Variants in SGIP1 observed in about 807,000 individuals in gnomAD.
SGIP1 encodes the protein SH3-containing GRB2-like protein 3-interacting protein 1.
SGIP1 carries 38 observed loss-of-function variants against 107.5 expected under a neutral mutation model. The observed-to-expected ratio is 0.35, with a 90% CI of 0.27 to 0.46. The LOEUF (loss-of-function observed/expected upper bound fraction) is 0.46, where lower values mean the gene tolerates loss of function less well. Ranked by LOEUF, SGIP1 falls within the 20% of genes least tolerant of loss-of-function variation. The pLI is 1.00. For synonymous variants in SGIP1, 365 were observed against 366.1 expected, an observed-to-expected ratio of 1.00 and a Z score of 0.03; for missense variants, 929 against 1,019.5, an observed-to-expected ratio of 0.91 and a Z score of 1.21.
rs896720949 is a variant in SGIP1, at chr1:66,745,012, T to C, written c.*1917T>C. On this transcript the variant is annotated 3_prime_UTR_variant, in exon 25 of 25. Coordinates refer to ENST00000371037, the MANE Select transcript of SGIP1 (RefSeq NM_032291.4). ...ATTATCCAGCATATGAATATAACAA[T>C]GTGTTTTTAAGTAATCAATTCATTT... 3.9e-5 allele frequency: 6 copies of C among 152,474 alleles called. No homozygotes were observed. The highest frequency in any genetic ancestry group is 2.1e-4 in the South Asian group (1 of 4,838). 9.4% of individuals were successfully genotyped at this position (152,474 alleles called of 1,614,324 possible). A position where few individuals can be genotyped will look rare whatever the true frequency, so the allele number is the denominator to read the frequency against.
rs1206507181 is a variant in SGIP1, at chr1:66,750,940, A to T, written c.*7845A>T. On this transcript the variant is annotated 3_prime_UTR_variant, in exon 25 of 25. Coordinates refer to ENST00000371037, the MANE Select transcript of SGIP1 (RefSeq NM_032291.4). Reference sequence around the variant, plus strand: ...CTCTTTGTAAATAATAATTTTTGTAAATGTTTTTTGTTCATAATTTTCCCA... The same window carrying T: ...CTCTTTGTAAATAATAATTTTTGTATATGTTTTTTGTTCATAATTTTCCCA... Among the ~76,000 whole-genome samples the T allele has an allele frequency of 6.6e-6, 1 of 152,190 alleles. No homozygotes were observed. Among genetic ancestry groups the T allele is most frequent in the African/African-American group, 2.4e-5 (1 of 41,436 alleles).
chr1:66,714,639 A>G (rs2093126576), intron 18 of SGIP1, among the ~76,000 whole-genome samples: 1 of 152,124 alleles, frequency 6.6e-6, no homozygotes, highest in Non-Finnish European at 1.5e-5. Flanking sequence ...CTAAATGCCT[A>G]TAGACAACTT....
chr1:66,673,224 T>C (rs1362427843), intron 11 of SGIP1, 57 bp from the exon 12 acceptor site: 3 of 1,524,584 alleles, frequency 2.0e-6, no homozygotes, highest in Non-Finnish European at 2.7e-6. Context: ...GTATATCTTT[T>C]TGAGTATTAA....
At chr1:66,558,306 G>A (rs532139657) in intron 1 of SGIP1, among the ~76,000 whole-genome samples, 31 of 151,930 alleles carry the variant, frequency 2.0e-4, no homozygotes, top group East Asian at 1.2e-3. Context: ...ATACTCTGCC[G>A]TCACTTTCTT....
chr1:66,590,070 A>C (rs1379408724), intron 1 of SGIP1, among the ~76,000 whole-genome samples: 1 of 152,172 alleles, frequency 6.6e-6, no homozygotes, highest in Non-Finnish European at 1.5e-5. Context: ...GGATTTTTGC[A>C]TCCCCTACAA....
intron 18 of SGIP1, among the ~76,000 whole-genome samples, chr1:66,715,967 T>C (rs76131736): frequency 0.011 from 1,734 of 152,266 alleles, 39 homozygotes; most frequent in African/African-American, 0.04. Context: ...ACTGAGTGCT[T>C]ACTATGGTTC....
At chr1:66,578,326 A>C (rs1235884231) in intron 1 of SGIP1, among the ~76,000 whole-genome samples, 28 of 152,186 alleles carry the variant, frequency 1.8e-4, no homozygotes, top group Admixed American at 1.8e-3. Context: ...TGGATGTAGG[A>C]ACTGGGGTGA....
At chr1:66,661,424 A>G (rs920824171) in intron 8 of SGIP1, among the ~76,000 whole-genome samples, 1 of 152,246 alleles carries the variant, frequency 6.6e-6, no homozygotes, top group African/African-American at 2.4e-5. Context: ...CACATACAGG[A>G]TACTGTGCTT....
intron 1 of SGIP1, among the ~76,000 whole-genome samples, chr1:66,541,181 G>A (rs1029450213): frequency 6.6e-6 from 1 of 152,242 alleles, no homozygotes; most frequent in African/African-American, 2.4e-5. Flanking sequence ...GTCTGGAACT[G>A]TTTATTTATT....
chr1:66,664,066 A>C (rs914805366), intron 8 of SGIP1, among the ~76,000 whole-genome samples: 6 of 152,190 alleles, frequency 3.9e-5, no homozygotes, highest in Non-Finnish European at 8.8e-5. Flanking sequence ...ATATTTTAAA[A>C]GTGAATTGTT....
At chr1:66,719,523 A>G (rs1385898662) in intron 19 of SGIP1, 118 bp downstream of exon 19, 7 of 577,906 alleles carry the variant, frequency 1.2e-5, no homozygotes, top group Admixed American at 3.2e-5. Flanking sequence ...TCAGTTAGCA[A>G]TAGTAGATGG....
At chr1:66,670,925 C>A in intron 9 of SGIP1, 70 bp from the exon 10 acceptor site, 1 of 730,952 alleles carries the variant, frequency 1.4e-6, no homozygotes, top group Non-Finnish European at 2.1e-6. Flanking sequence ...ATTGCAATGA[C>A]AGAAATAATA....
At chr1:66,543,691 T>C (rs1571065959) in intron 1 of SGIP1, among the ~76,000 whole-genome samples, 2 of 152,078 alleles carry the variant, frequency 1.3e-5, no homozygotes, top group South Asian at 2.1e-4. Flanking sequence ...GTCAGTACAG[T>C]GTGGGGGGAA....
chr1:66,623,595 T>C (rs17129205), intron 1 of SGIP1, among the ~76,000 whole-genome samples: 1,856 of 152,338 alleles, frequency 0.012, 44 homozygotes, highest in African/African-American at 0.043. Context: ...GCATTTTTTT[T>C]CTAGAATTTC....
At chr1:66,640,614 G>A (rs918239769) in intron 5 of SGIP1, among the ~76,000 whole-genome samples, 4 of 152,150 alleles carry the variant, frequency 2.6e-5, no homozygotes, top group Admixed American at 6.5e-5. Context: ...GTGGCTGAGA[G>A]GGGATCAATG....
chr1:66,613,846 T>A (rs756529871), intron 1 of SGIP1, among the ~76,000 whole-genome samples: 21 of 152,188 alleles, frequency 1.4e-4, no homozygotes, highest in Non-Finnish European at 2.8e-4. Flanking sequence ...GAGGGTAATA[T>A]TAGATGTTGT....
At chr1:66,558,222 G>A (rs946234180) in intron 1 of SGIP1, among the ~76,000 whole-genome samples, 2 of 151,992 alleles carry the variant, frequency 1.3e-5, no homozygotes, top group African/African-American at 2.4e-5. Context: ...TTTACCCTGA[G>A]AGTTGGGCTG....
chr1:66,740,058 A>G (rs1160662520), intron 22 of SGIP1, among the ~76,000 whole-genome samples: 3 of 152,188 alleles, frequency 2.0e-5, no homozygotes, highest in Admixed American at 6.5e-5. Context: ...TGTCTTCTAA[A>G]TCTCAAACCG....
chr1:66,653,999 G>A (rs186095861), intron 7 of SGIP1, among the ~76,000 whole-genome samples: 112 of 152,282 alleles, frequency 7.4e-4, no homozygotes, highest in African/African-American at 2.6e-3. Context: ...CCCAGAGCTT[G>A]TAGGTTGTCT....
Sources: allele counts gnomAD v4.1 joint callset (sites outside exome capture counted in the v4.1 genomes callset), GRCh38; gene constraint gnomAD v4.1.1; transcripts MANE v1.5; gene names NCBI Gene and HGNC (gene_info 2026-07-23, HGNC 2026-07-21).